The following TMEM14C variants were observed in gnomAD, a reference collection of about 807,000 sequenced individuals.
TMEM14C encodes the protein chromosome 6 open reading frame 53.
In TMEM14C, 13 loss-of-function variants were observed where a neutral mutation model predicts 14.8. That is an observed-to-expected ratio of 0.88 (90% CI 0.57 to 1.40). The LOEUF (loss-of-function observed/expected upper bound fraction) is 1.40. Among genes scored for constraint, TMEM14C ranks in the 40% most tolerant of loss-of-function variants. TMEM14C has a pLI of 0.00. For synonymous variants in TMEM14C, 57 were observed against 51.3 expected (o/e 1.11, Z -0.48); for missense variants, 142 against 138.8 (o/e 1.02, Z -0.12).
chr6:10,728,152 C>T (rs562390744), intron 4 of TMEM14C, among the ~76,000 whole-genome samples: 5 of 152,272 alleles, frequency 3.3e-5, no homozygotes, highest in African/African-American at 4.8e-5. Context: ...CCTTTTTATT[C>T]GTGTGAGTCT....
rs907960770 is a variant in TMEM14C, at chr6:10,728,978, C to T, written c.287+251C>T. The T allele has an allele frequency of 1.9e-5, 15 of 797,156 alleles. No individual in the cohort carries two copies. In the South Asian group the frequency reaches 2.8e-4, roughly 15 times the overall value. The allele number at this position is 797,156 out of a possible 1,614,324, so 49.4% of individuals were successfully genotyped here. ...CTTTCCAGTCCATCCAAACTCCTCC[C>T]TATATGGTGGCAGAAGTTTTAGTGC... On this transcript the variant is annotated intron_variant, in intron 5 of 5. Transcript: ENST00000229563.
chr6:10,724,828 C>T, intron 2 of TMEM14C, 133 bp from the exon 3 acceptor site: 1 of 1,354,546 alleles, frequency 7.4e-7, no homozygotes, highest in Non-Finnish European at 1.0e-6. Context: ...CTCAGAAAGT[C>T]ATCCAACCTC....
At chr6:10,724,896 C>G (rs1230858784) in intron 2 of TMEM14C, 65 bp from the exon 3 acceptor site, 18 of 1,568,446 alleles carry the variant, frequency 1.1e-5, no homozygotes, top group Non-Finnish European at 1.6e-5. Context: ...TTAGTCCCAT[C>G]CTATGACAGT....
rs1292414181 is a variant in TMEM14C at position 10,730,850 on chromosome 6, G to A, written c.*184G>A. 7.7e-6 allele frequency: 10 copies of A among 1,299,692 alleles called. No individual in the cohort carries two copies. The highest frequency in any genetic ancestry group is 2.7e-4 in the Middle Eastern group (1 of 3,650). 80.5% of individuals were successfully genotyped at this position (1,299,692 alleles called of 1,614,324 possible). A position where few individuals can be genotyped will look rare whatever the true frequency, so the allele number is the denominator to read the frequency against. The stretch of plus-strand genomic sequence containing the variant: ...GATTACAAACCTACAGAGGTGGCGA[G>A]TATGTAACACAAGAGCTTAATAAGA... On this transcript the variant is annotated 3_prime_UTR_variant, in exon 6 of 6. Coordinates refer to ENST00000229563, the MANE Select transcript of TMEM14C (RefSeq NM_016462.4).
At chr6:10,725,876 T>C in intron 3 of TMEM14C, 31 bp from the exon 4 acceptor site, 1 of 1,612,260 alleles carries the variant, frequency 6.2e-7, no homozygotes, top group Non-Finnish European at 8.5e-7. Context: ...TGCCTGACAT[T>C]ACAATGCAAG....
intron 5 of TMEM14C, among the ~76,000 whole-genome samples, chr6:10,729,279 G>C (rs551854342): frequency 6.6e-6 from 1 of 152,218 alleles, no homozygotes; most frequent in South Asian, 2.1e-4. Context: ...GGGATTACAG[G>C]CGTGCACCAC....
intron 5 of TMEM14C, among the ~76,000 whole-genome samples, chr6:10,729,965 G>C (rs1770981123): frequency 6.6e-6 from 1 of 152,192 alleles, no homozygotes; most frequent in South Asian, 2.1e-4. Context: ...GGGCATGGTG[G>C]TGCACACCTG....
intron 3 of TMEM14C, among the ~76,000 whole-genome samples, chr6:10,725,601 A>G (rs1365145393): frequency 6.6e-6 from 1 of 152,012 alleles, no homozygotes; most frequent in African/African-American, 2.4e-5. Context: ...TTCATGGTTG[A>G]TCAGGCCTGA....
chr6:10,724,255 T>C (rs1770787385), intron 1 of TMEM14C, among the ~76,000 whole-genome samples: 1 of 152,190 alleles, frequency 6.6e-6, no homozygotes, highest in African/African-American at 2.4e-5. Flanking sequence ...GCTGATGAAA[T>C]GACTAACACA....
rs368094744 is a variant in TMEM14C at position 10,724,480 on chromosome 6, G to C, written c.-44-90G>C. The stretch of plus-strand genomic sequence containing the variant: ...GTACAGTGAAGAATACTGAGACTTA[G>C]GTTGCGTAGCTTGCAGGTTGGACAC... On this transcript the variant is annotated intron_variant, in intron 1 of 5. Coordinates refer to ENST00000229563, the MANE Select transcript of TMEM14C (RefSeq NM_016462.4). 247 of 797,836 alleles carry C rather than the reference G, an allele frequency of 3.1e-4. 4 individuals carry two copies. The South Asian group carries it at 3.7e-3, about 12-fold the overall frequency. 49.4% of individuals were successfully genotyped at this position (797,836 alleles called of 1,614,324 possible).
Position 10,730,818 on chromosome 6 carries a change from C to T in TMEM14C, c.*152C>T. The T allele has an allele frequency of 7.4e-7, 1 of 1,352,184 alleles. No homozygotes were observed. The highest frequency in any genetic ancestry group is 9.6e-7 in the Non-Finnish European group (1 of 1,046,776). 83.8% of individuals were successfully genotyped at this position (1,352,184 alleles called of 1,614,324 possible). On this transcript the variant is annotated 3_prime_UTR_variant, in exon 6 of 6. Coordinates refer to ENST00000229563, the MANE Select transcript of TMEM14C (RefSeq NM_016462.4). ...CAAACTTGGCAGAGAGGTGGAAAAT[C>T]AGTCATGATTACAAACCTACAGAGG...
intron 1 of TMEM14C, among the ~76,000 whole-genome samples, chr6:10,723,620 G>A (rs1180766928): frequency 8.6e-6 from 1 of 115,886 alleles, no homozygotes; most frequent in Non-Finnish European, 1.7e-5. Context: ...TTGTCCTTGA[G>A]GGAGGGACTT....
intron 3 of TMEM14C, among the ~76,000 whole-genome samples, chr6:10,725,394 C>G (rs1311409983): frequency 3.9e-5 from 6 of 152,192 alleles, no homozygotes; most frequent in African/African-American, 1.4e-4. Flanking sequence ...GTATTTTGAA[C>G]TCTCCTCGTT....
In TMEM14C at chr6:10,728,909, G is replaced by T. The variant is rs779654568; in HGVS notation, c.287+182G>T. 1.0e-5 allele frequency: 14 copies of T among 1,393,818 alleles called. No individual in the cohort carries two copies. The Middle Eastern group carries it at 1.6e-3, about 162-fold the overall frequency. 86.3% of individuals were successfully genotyped at this position (1,393,818 alleles called of 1,614,324 possible). A position where few individuals can be genotyped will look rare whatever the true frequency, so the allele number is the denominator to read the frequency against. Reference sequence around the variant, plus strand: ...AGCTAGTTTAATGTCAAAATGGCATGAGTATATCCATTCACCGTGGAAATG... The same window carrying T: ...AGCTAGTTTAATGTCAAAATGGCATTAGTATATCCATTCACCGTGGAAATG... On this transcript the variant is annotated intron_variant, in intron 5 of 5. Transcript: ENST00000229563.
At chr6:10,729,766 A>C (rs1035049519) in intron 5 of TMEM14C, among the ~76,000 whole-genome samples, 1 of 151,134 alleles carries the variant, frequency 6.6e-6, no homozygotes, top group African/African-American at 2.5e-5. Context: ...GGACAGAGCA[A>C]GACTCCATCT....
Position 10,730,212 on chromosome 6 carries a change from A to G in TMEM14C, c.288-403A>G, listed in dbSNP as rs139706154. On this transcript the variant is annotated intron_variant, in intron 5 of 5. Coordinates refer to ENST00000229563, the MANE Select transcript of TMEM14C (RefSeq NM_016462.4). ...AAAATCTGTTTTGGAGAAAGATTAC[A>G]TACTCTGATCATAGTTGTGATGCTA... is the stretch of plus-strand genomic sequence containing the variant. 7.3e-3 allele frequency among the ~76,000 whole-genome samples: 1,114 copies of G among 152,350 alleles called. 7 individuals are homozygous for G. Among genetic ancestry groups the G allele is most frequent in the Non-Finnish European group, 0.013 (874 of 68,032 alleles).
chr6:10,730,890 G>C lies in TMEM14C; in HGVS notation c.*224G>C. 1 of 1,195,974 alleles carries C rather than the reference G, an allele frequency of 8.4e-7. No homozygotes were observed. Among genetic ancestry groups the C allele is most frequent in the Non-Finnish European group, 1.0e-6 (1 of 961,268 alleles). The allele number at this position is 1,195,974 out of a possible 1,614,324, so 74.1% of individuals were successfully genotyped here. A position where few individuals can be genotyped will look rare whatever the true frequency, so the allele number is the denominator to read the frequency against. On this transcript the variant is annotated 3_prime_UTR_variant, in exon 6 of 6. Coordinates refer to ENST00000229563, the MANE Select transcript of TMEM14C (RefSeq NM_016462.4). ...GCTTAATAAGACCCTCATAGAGCTT[G>C]ATTCTTGTATATTGATGTTGTCTTT... is the stretch of plus-strand genomic sequence containing the variant.
chr6:10,729,267 C>T (rs939572431), intron 5 of TMEM14C, among the ~76,000 whole-genome samples: 1 of 152,122 alleles, frequency 6.6e-6, no homozygotes, highest in Non-Finnish European at 1.5e-5. Flanking sequence ...TCCGGAGTAG[C>T]TGGGATTACA....
chr6:10,725,023 G>A lies in TMEM14C; in HGVS notation c.83G>A (p.Gly28Asp), dbSNP rs1770814703. ...AALVASGGII[G>D]YVKAGSVPSL... ...CTGGTTGCTTCTGGTGGGATCATTG[G>A]CTATGTAAAAGCAGGTAGGGTTTTG... The change falls in exon 3 of 6, where the codon GGC becomes GAC. Residue 28 changes from glycine (G) to aspartate (D), a missense_variant. Physicochemically the swap from Gly to Asp is moderately conservative, Grantham distance 94. Coordinates refer to ENST00000229563, the MANE Select transcript of TMEM14C (RefSeq NM_016462.4). 1 of 1,614,076 alleles carries A rather than the reference G, an allele frequency of 6.2e-7. No individual in the cohort carries two copies. Among genetic ancestry groups the A allele is most frequent in the Non-Finnish European group, 8.5e-7 (1 of 1,180,050 alleles).
Sources: gnomAD v4.1 joint callset for allele counts (sites outside exome capture counted in the v4.1 genomes callset) on GRCh38, gnomAD v4.1.1 for gene constraint, MANE v1.5 for transcripts, NCBI Gene and HGNC (gene_info 2026-07-23, HGNC 2026-07-21) for gene names.